Variants in MAP6 observed in about 807,000 individuals in gnomAD.
The protein encoded by MAP6 is microtubule associated protein 6.
In MAP6, 26 loss-of-function variants were observed where a neutral mutation model predicts 42.4. The observed-to-expected ratio is 0.61, with a 90% CI of 0.45 to 0.85. The LOEUF (loss-of-function observed/expected upper bound fraction) is 0.85, where lower values mean the gene tolerates loss of function less well. Ranked by LOEUF, MAP6 falls within the 40% of genes least tolerant of loss-of-function variation. The pLI is 0.00. For synonymous variants in MAP6, 418 were observed against 443.8 expected, an observed-to-expected ratio of 0.94 and a Z score of 0.73; for missense variants, 966 against 1,099.0, an observed-to-expected ratio of 0.88 and a Z score of 1.71.
intron 1 of MAP6, among the ~76,000 whole-genome samples, chr11:75,610,105 C>G (rs1942864808): frequency 6.6e-6 from 1 of 152,166 alleles, no homozygotes; most frequent in Non-Finnish European, 1.5e-5. Flanking sequence ...CCTCAGGACT[C>G]TGCAGGGTCC....
At chr11:75,650,824 G>A (rs888554158) in intron 1 of MAP6, among the ~76,000 whole-genome samples, 4 of 152,072 alleles carry the variant, frequency 2.6e-5, no homozygotes, top group South Asian at 2.1e-4. Flanking sequence ...CCATTTGATC[G>A]GTCCATTGCA....
intron 3 of MAP6, chr11:75,602,748 C>T: frequency 1.2e-6 from 1 of 806,784 alleles, no homozygotes; most frequent in Non-Finnish European, 1.5e-6. Context: ...TTATGGAGAG[C>T]CCCAGGAAGA....
chr11:75,651,444 T>C (rs1210010101), intron 1 of MAP6, among the ~76,000 whole-genome samples: 1 of 152,154 alleles, frequency 6.6e-6, no homozygotes, highest in Non-Finnish European at 1.5e-5. Context: ...AGAGCTCTCT[T>C]CTGTGCTATT....
chr11:75,617,178 C>T (rs551233984), intron 1 of MAP6, among the ~76,000 whole-genome samples: 17 of 152,266 alleles, frequency 1.1e-4, no homozygotes, highest in African/African-American at 3.6e-4. Flanking sequence ...AGTCCACAGG[C>T]ACAATGTGTA....
intron 1 of MAP6, among the ~76,000 whole-genome samples, chr11:75,644,898 C>T (rs1405282398): frequency 6.6e-6 from 1 of 152,060 alleles, no homozygotes; most frequent in African/African-American, 2.4e-5. Flanking sequence ...CATAGATGAG[C>T]TCCAAAGAAA....
Position 75,667,468 on chromosome 11 carries a change from T to G in MAP6, c.902A>C (p.Tyr301Ser). The G allele has an allele frequency of 6.7e-7, 1 of 1,501,068 alleles. No homozygotes were observed. Among genetic ancestry groups the G allele is most frequent in the Non-Finnish European group, 8.8e-7 (1 of 1,133,478 alleles). The allele number at this position is 1,501,068 out of a possible 1,614,324, so 93.0% of individuals were successfully genotyped here. Residue 301 changes from tyrosine (Y) to serine (S), a missense_variant, in exon 1 of 4, where the codon TAC becomes TCC. By Grantham distance (144) the Tyr-to-Ser change is moderately radical. Coordinates refer to ENST00000304771, the MANE Select transcript of MAP6 (RefSeq NM_033063.2). This position sits in a 1 kb window ranked among gnomAD's most constrained non-coding sequence, Gnocchi z 5.6. ...EEVASAVSSSYRNEFRAWTDI... is the reference protein window; with the variant it reads ...EEVASAVSSSSRNEFRAWTDI... ...GCTAGCAGCGGCCGCGTCTCACCTGTAGGAGCTGCTCACTGCACTCGCCAC... is the reference window on the plus strand; with the variant it reads ...GCTAGCAGCGGCCGCGTCTCACCTGGAGGAGCTGCTCACTGCACTCGCCAC...
chr11:75,664,157 T>C (rs924625559), intron 1 of MAP6, among the ~76,000 whole-genome samples: 1 of 152,172 alleles, frequency 6.6e-6, no homozygotes, highest in African/African-American at 2.4e-5. Context: ...TTAAAAATGG[T>C]AATAAAGACA....
chr11:75,596,977 G>A (rs1454905877), intron 3 of MAP6, among the ~76,000 whole-genome samples: 3 of 152,346 alleles, frequency 2.0e-5, no homozygotes, highest in East Asian at 3.9e-4. Context: ...CAAGGAATGG[G>A]TTTTAGGGTC....
intron 1 of MAP6, among the ~76,000 whole-genome samples, chr11:75,619,027 G>T (rs1943057122): frequency 6.6e-6 from 1 of 152,178 alleles, no homozygotes; most frequent in East Asian, 1.9e-4. Context: ...GGGGAGGGGA[G>T]GCTGCTCTGG....
chr11:75,657,391 G>A (rs1359256864), intron 1 of MAP6, among the ~76,000 whole-genome samples: 1 of 152,110 alleles, frequency 6.6e-6, no homozygotes, highest in Non-Finnish European at 1.5e-5. Context: ...GATTACAGGC[G>A]TGAGCCACCA....
intron 1 of MAP6, among the ~76,000 whole-genome samples, chr11:75,655,078 GAC>G (rs1164542491): frequency 6.6e-6 from 1 of 152,148 alleles, no homozygotes; most frequent in Non-Finnish European, 1.5e-5. Context: ...TCCCTCAAAA[GAC>G]AGCAATCTCC....
chr11:75,640,189 A>ACC (rs143516140), intron 1 of MAP6, among the ~76,000 whole-genome samples: 4 of 106,388 alleles, frequency 3.8e-5, no homozygotes, highest in Non-Finnish European at 7.7e-5. Flanking sequence ...ACCAACCCCC[A>ACC]CCCCCCCACA....
At chr11:75,597,844 T>A (rs1942608483) in intron 3 of MAP6, among the ~76,000 whole-genome samples, 1 of 152,208 alleles carries the variant, frequency 6.6e-6, no homozygotes, top group Admixed American at 6.5e-5. Flanking sequence ...ATGGCGTTAA[T>A]CTCAGGCCAT....
intron 1 of MAP6, among the ~76,000 whole-genome samples, chr11:75,635,235 G>A (rs919143795): frequency 1.3e-5 from 2 of 152,184 alleles, no homozygotes; most frequent in African/African-American, 4.8e-5. Context: ...TGAAGTCCTC[G>A]TTCACACCTC....
At chr11:75,644,305 G>A (rs141825591) in intron 1 of MAP6, among the ~76,000 whole-genome samples, 1 of 152,046 alleles carries the variant, frequency 6.6e-6, no homozygotes, top group Non-Finnish European at 1.5e-5. Context: ...ACTGGGTAAG[G>A]TATTCAACCT....
In MAP6 at chr11:75,604,071, C is replaced by T. The variant is rs562599266; in HGVS notation, c.1316+1737G>A. 3.9e-5 allele frequency: 38 copies of T among 985,876 alleles called. No individual in the cohort carries two copies. In the East Asian group the frequency reaches 2.2e-3, roughly 56 times the overall value. The allele number at this position is 985,876 out of a possible 1,614,324, so 61.1% of individuals were successfully genotyped here. A position where few individuals can be genotyped will look rare whatever the true frequency, so the allele number is the denominator to read the frequency against. ...TTTCAAAATCTGTGACTCATAAACA[C>T]GGAGACCCACCAGCATTTTCTACCT... On this transcript the variant is annotated intron_variant, in intron 3 of 3. Coordinates refer to ENST00000304771, the MANE Select transcript of MAP6 (RefSeq NM_033063.2).
intron 3 of MAP6, chr11:75,602,951 C>A: frequency 1.0e-6 from 1 of 985,814 alleles, no homozygotes; most frequent in Non-Finnish European, 1.2e-6. Context: ...ACGTCACAAT[C>A]AATTGGCTAT....
intron 1 of MAP6, among the ~76,000 whole-genome samples, chr11:75,665,033 G>A (rs550850169): frequency 3.9e-5 from 6 of 152,232 alleles, no homozygotes; most frequent in East Asian, 1.9e-4. Context: ...CTCCTGGCCC[G>A]AAAGCCATAG....
At chr11:75,662,250 T>C (rs927009401) in intron 1 of MAP6, among the ~76,000 whole-genome samples, 1 of 152,062 alleles carries the variant, frequency 6.6e-6, no homozygotes, top group African/African-American at 2.4e-5. Context: ...ACGGAAAAAT[T>C]CAATACTTAC....
Sources: allele counts gnomAD v4.1 joint callset (sites outside exome capture counted in the v4.1 genomes callset), GRCh38; gene constraint gnomAD v4.1.1; non-coding constraint Gnocchi (gnomAD v3.1); transcripts MANE v1.5; gene names NCBI Gene and HGNC (gene_info 2026-07-23, HGNC 2026-07-21).